Variants in LIMCH1 observed in about 807,000 individuals in gnomAD.
The protein encoded by LIMCH1 is LIM and calponin homology domains-containing protein 1.
A neutral mutation model predicts 176.5 loss-of-function variants in LIMCH1; 113 were observed. The ratio of observed to expected loss-of-function variants is 0.64; its 90% CI spans 0.55 to 0.75. LIMCH1 has a LOEUF of 0.75. LIMCH1 is among the 30% of genes least tolerant of loss of function. LIMCH1 has a pLI of 0.00. For synonymous variants in LIMCH1, 619 were observed against 645.9 expected, an observed-to-expected ratio of 0.96 and a Z score of 0.63; for missense variants, 1,674 against 1,814.9, an observed-to-expected ratio of 0.92 and a Z score of 1.41.
At chr4:41,510,731 G>C (rs2074798505) in intron 2 of LIMCH1, among the ~76,000 whole-genome samples, 1 of 152,092 alleles carries the variant, frequency 6.6e-6, no homozygotes, top group South Asian at 2.1e-4. Flanking sequence ...TGGGATTACA[G>C]GCGTCTGCCA....
chr4:41,594,416 TG>T (rs1176121830), intron 1 of LIMCH1, among the ~76,000 whole-genome samples: 2 of 152,252 alleles, frequency 1.3e-5, no homozygotes, highest in African/African-American at 4.8e-5. Flanking sequence ...ACACTTTTAG[TG>T]TTTGGCTTCC....
intron 2 of LIMCH1, among the ~76,000 whole-genome samples, chr4:41,514,650 T>C (rs2075362810): frequency 6.6e-6 from 1 of 152,206 alleles, no homozygotes; most frequent in South Asian, 2.1e-4. Flanking sequence ...ACAGTCTCTA[T>C]ACAGAAGAGC....
At chr4:41,559,385 C>G (rs548235710) in intron 1 of LIMCH1, among the ~76,000 whole-genome samples, 60 of 152,154 alleles carry the variant, frequency 3.9e-4, no homozygotes, top group Non-Finnish European at 7.5e-4. Context: ...TCTTCTGAAC[C>G]AAGCCCCACT....
At chr4:41,687,985 A>G in intron 29 of LIMCH1, 68 bp downstream of exon 29, 2 of 1,271,336 alleles carry the variant, frequency 1.6e-6, no homozygotes, top group Non-Finnish European at 2.3e-6. Flanking sequence ...GCATCATTTC[A>G]ACTGAATTAG....
At chr4:41,455,160 A>G (rs1218758562) in intron 1 of LIMCH1, among the ~76,000 whole-genome samples, 1 of 152,260 alleles carries the variant, frequency 6.6e-6, no homozygotes, top group Non-Finnish European at 1.5e-5. Flanking sequence ...GGAAAACAAT[A>G]GCAGATCATT....
chr4:41,372,063 T>G (rs1011847994), intron 1 of LIMCH1, among the ~76,000 whole-genome samples: 11 of 152,274 alleles, frequency 7.2e-5, no homozygotes, highest in African/African-American at 2.6e-4. Context: ...TGAACACCCC[T>G]CTTTTTGCTC....
At chr4:41,443,059 A>G (rs1376054600) in intron 1 of LIMCH1, among the ~76,000 whole-genome samples, 12 of 152,176 alleles carry the variant, frequency 7.9e-5, no homozygotes, top group African/African-American at 2.2e-4. Context: ...GTGTTTAGTT[A>G]GAGATTTGTT....
At chr4:41,612,521 G>T in intron 4 of LIMCH1, 1 of 702,326 alleles carries the variant, frequency 1.4e-6, no homozygotes, top group Non-Finnish European at 2.6e-6. Context: ...AGTGACCAGA[G>T]TTATTTTTGT....
intron 1 of LIMCH1, among the ~76,000 whole-genome samples, chr4:41,550,430 G>A (rs1228510434): frequency 3.3e-5 from 5 of 152,014 alleles, no homozygotes; most frequent in African/African-American, 1.2e-4. Context: ...AATGGCTCAA[G>A]GCCATCTCAT....
chr4:41,637,485 C>G (rs2093641214), intron 13 of LIMCH1, among the ~76,000 whole-genome samples: 1 of 152,202 alleles, frequency 6.6e-6, no homozygotes, highest in Non-Finnish European at 1.5e-5. Flanking sequence ...CCACCACGCC[C>G]AGCCCACTCT....
chr4:41,412,656 A>G (rs1348697804), intron 1 of LIMCH1, among the ~76,000 whole-genome samples: 1 of 152,204 alleles, frequency 6.6e-6, no homozygotes, highest in Non-Finnish European at 1.5e-5. Flanking sequence ...ATGTGTTAGA[A>G]TCATGCTTTA....
At chr4:41,526,261 C>CTTTT (rs11384675) in intron 3 of LIMCH1, among the ~76,000 whole-genome samples, 1 of 131,024 alleles carries the variant, frequency 7.6e-6, no homozygotes, top group Admixed American at 7.7e-5. Flanking sequence ...CTTGCTATCG[C>CTTTT]TTTTTTTTTT....
rs765625880 is a variant in LIMCH1 at position 41,687,870 on chromosome 4, G to T, written c.4119G>T (p.Gly1373=). ...GTCCCCGAGAGCACTTCCAGGCTGG[G>T]CCTTTCTCTCCCTGTTCTCCCACCC... ...KKSPREHFQA[G]PFSPCSPTPP... is the part of the protein sequence containing the mutation. Residue 1373 remains glycine (G), a synonymous_variant, in exon 29 of 32, where the codon GGG becomes GGT. Coordinates refer to ENST00000503057, the MANE Select transcript of LIMCH1 (RefSeq NM_001330672.2). 6.2e-7 allele frequency: 1 copy of T among 1,613,388 alleles called. No individual in the cohort carries two copies. Among genetic ancestry groups the T allele is most frequent in the Admixed American group, 1.7e-5 (1 of 59,948 alleles).
chr4:41,400,046 G>T (rs569653662), intron 1 of LIMCH1, among the ~76,000 whole-genome samples: 2 of 150,766 alleles, frequency 1.3e-5, no homozygotes, highest in African/African-American at 4.9e-5. Flanking sequence ...GGAAACTGAA[G>T]CTTAGAGAGA....
At chr4:41,569,321 C>T (rs1484215322) in intron 1 of LIMCH1, among the ~76,000 whole-genome samples, 2 of 152,152 alleles carry the variant, frequency 1.3e-5, no homozygotes, top group Admixed American at 1.3e-4. Flanking sequence ...AAGAGCCCAC[C>T]ATGCAGTTCT....
intron 8 of LIMCH1, among the ~76,000 whole-genome samples, chr4:41,628,851 C>A (rs1301408188): frequency 6.6e-6 from 1 of 152,110 alleles, no homozygotes; most frequent in Non-Finnish European, 1.5e-5. Flanking sequence ...CCCTGTCAAT[C>A]CAGGTAAAGA....
At chr4:41,497,321 A>G (rs955475544) in intron 2 of LIMCH1, among the ~76,000 whole-genome samples, 2 of 150,452 alleles carry the variant, frequency 1.3e-5, no homozygotes, top group East Asian at 1.9e-4. Context: ...GTCTAAAGAA[A>G]AAAAAAAAAG....
intron 13 of LIMCH1, among the ~76,000 whole-genome samples, chr4:41,635,045 A>G (rs1360431565): frequency 2.0e-5 from 3 of 152,136 alleles, no homozygotes; most frequent in Admixed American, 1.3e-4. Context: ...TCCTTACACT[A>G]CCTTTGAGAG....
intron 1 of LIMCH1, among the ~76,000 whole-genome samples, chr4:41,419,693 T>TTCCC (rs1561312681): frequency 1.2e-5 from 1 of 81,552 alleles, no homozygotes; most frequent in Non-Finnish European, 2.1e-5. Flanking sequence ...CCTTCCTTCC[T>TTCCC]TCCTTCCTTC....
Sources: allele counts gnomAD v4.1 joint callset (sites outside exome capture counted in the v4.1 genomes callset), GRCh38; gene constraint gnomAD v4.1.1; transcripts MANE v1.5; gene names NCBI Gene and HGNC (gene_info 2026-07-23, HGNC 2026-07-21).